PTPRD: variants seen among roughly 807,000 people sequenced by gnomAD.
PTPRD encodes protein tyrosine phosphatase receptor type D, also known as receptor-type tyrosine-protein phosphatase delta.
In PTPRD, 34 loss-of-function variants were observed where a neutral mutation model predicts 214.5. The ratio of observed to expected loss-of-function variants is 0.16; its 90% confidence interval spans 0.12 to 0.21. The LOEUF is 0.21. PTPRD is among the 10% of genes least tolerant of loss of function. The pLI, the probability that PTPRD is intolerant of heterozygous loss-of-function variation, is 1.00. For synonymous variants in PTPRD, 1,128 were observed against 845.7 expected (o/e 1.33, Z -5.79); for missense variants, 2,545 against 2,398.7 (o/e 1.06, Z -1.27).
intron 3 of PTPRD, among the ~76,000 whole-genome samples, chr9:10,123,476 T>A (rs2098792482): frequency 6.6e-6 from 1 of 152,188 alleles, no homozygotes; most frequent in Admixed American, 6.5e-5. Context: ...AGTGAAGAAA[T>A]GTCTTGGAAG....
chr9:8,868,019 A>C (rs939915449), intron 11 of PTPRD, among the ~76,000 whole-genome samples: 1 of 152,114 alleles, frequency 6.6e-6, no homozygotes, highest in Non-Finnish European at 1.5e-5. Context: ...CAGGGAGCAT[A>C]CTTGTATTTA....
At position 8,735,281 on chromosome 9, in the gene PTPRD, T is replaced by C. The variant is rs550980218; in HGVS notation, c.-103-1335A>G. 1.3e-4 allele frequency among the ~76,000 whole-genome samples: 20 copies of C among 151,806 alleles called. No homozygotes were observed. In the East Asian group the frequency reaches 3.5e-3, roughly 27 times the overall value. On this transcript the variant is annotated intron_variant, in intron 11 of 45. Transcript: ENST00000381196. ...GTCTCAGCCACCCAAGTAGCTGAGA[T>C]TACAGGTGCCCACCACCATGCCTGG...
chr9:8,521,420 G>A lies in PTPRD; in HGVS notation c.818C>T (p.Ala273Val), dbSNP rs746204840. The A allele has an allele frequency of 6.2e-7, 1 of 1,613,822 alleles. No individual in the cohort carries two copies. Among genetic ancestry groups the A allele is most frequent in the East Asian group, 2.2e-5 (1 of 44,862 alleles). ...ATCATCTTCAGGTGTCAGATCTTCT[G>A]CCCCCAACATCCACTTTACATAAGG... is the stretch of plus-strand genomic sequence containing the variant. ...PMPYVKWMLG[A>V]EDLTPEDDMP... Residue 273 changes from alanine (A) to valine (V), a missense_variant, in exon 20 of 46, where the codon GCA (alanine) becomes GTA (valine). Physicochemically the swap from Ala to Val is moderately conservative, Grantham distance 64. Transcript: ENST00000381196.
In PTPRD at chr9:10,305,917, A is replaced by G. The variant is rs534492340; in HGVS notation, c.-545+35046T>C. On this transcript the variant is annotated intron_variant, in intron 3 of 45. Coordinates refer to ENST00000381196, the MANE Select transcript of PTPRD (RefSeq NM_002839.4). ...TACCATTTGACCCAGCAATCCCACT[A>G]CTGGGTATATACCCAAAGGATTATA... 1.3e-3 allele frequency among the ~76,000 whole-genome samples: 199 copies of G among 152,244 alleles called. 4 individuals carry two copies. Among genetic ancestry groups the G allele is most frequent in the South Asian group, 0.011 (55 of 4,822 alleles).
At chr9:9,394,271 G>C (rs922065097) in intron 9 of PTPRD, among the ~76,000 whole-genome samples, 1 of 152,060 alleles carries the variant, frequency 6.6e-6, no homozygotes, top group East Asian at 1.9e-4. Context: ...AAAAATTCTG[G>C]TTGTTCTAAA....
chr9:9,890,558 T>C (rs1443673275), intron 5 of PTPRD, among the ~76,000 whole-genome samples: 1 of 152,066 alleles, frequency 6.6e-6, no homozygotes, highest in East Asian at 1.9e-4. Context: ...GCCTTTTGAT[T>C]GGCTCCTCAT....
At chr9:10,038,872 C>T (rs1353206933) in intron 3 of PTPRD, among the ~76,000 whole-genome samples, 1 of 152,020 alleles carries the variant, frequency 6.6e-6, no homozygotes, top group Non-Finnish European at 1.5e-5. Context: ...TTTATATCCT[C>T]ATTTCTCTCC....
At chr9:9,795,658 A>G (rs1294167501) in intron 5 of PTPRD, among the ~76,000 whole-genome samples, 1 of 152,216 alleles carries the variant, frequency 6.6e-6, no homozygotes, top group Non-Finnish European at 1.5e-5. Flanking sequence ...ATAAAATAAA[A>G]TAGATTTGAT....
At chr9:9,790,536 C>T (rs1319949742) in intron 5 of PTPRD, among the ~76,000 whole-genome samples, 1 of 152,136 alleles carries the variant, frequency 6.6e-6, no homozygotes, top group African/African-American at 2.4e-5. Context: ...TATTCTGTTG[C>T]TAATTAAACA....
chr9:9,128,006 A>G (rs1344017070), intron 10 of PTPRD, among the ~76,000 whole-genome samples: 3 of 152,104 alleles, frequency 2.0e-5, no homozygotes. Flanking sequence ...TTGGCTGCCA[A>G]TTTTATTTAG....
chr9:10,364,454 C>T (rs542052008), intron 2 of PTPRD, among the ~76,000 whole-genome samples: 39 of 152,188 alleles, frequency 2.6e-4, no homozygotes, highest in African/African-American at 6.7e-4. Context: ...AATCTATGCA[C>T]GTAACAAAAT....
At chr9:8,540,814 C>T (rs1003462887) in intron 14 of PTPRD, among the ~76,000 whole-genome samples, 4 of 152,028 alleles carry the variant, frequency 2.6e-5, no homozygotes. Context: ...GCAAGAGGAA[C>T]AAAATAAAGT....
intron 11 of PTPRD, among the ~76,000 whole-genome samples, chr9:8,777,088 T>G (rs904643395): frequency 5.3e-5 from 8 of 151,686 alleles, no homozygotes; most frequent in African/African-American, 1.9e-4. Flanking sequence ...TCAAGAGATC[T>G]TCCACCTCAG....
chr9:9,511,152 T>C (rs553722255), intron 8 of PTPRD, among the ~76,000 whole-genome samples: 15 of 151,942 alleles, frequency 9.9e-5, no homozygotes, highest in Middle Eastern at 3.4e-3. Flanking sequence ...GGTTGGACTT[T>C]GTTGTATTCA....
chr9:10,312,365 C>G (rs2096289476), intron 3 of PTPRD, among the ~76,000 whole-genome samples: 1 of 151,868 alleles, frequency 6.6e-6, no homozygotes, highest in Admixed American at 6.6e-5. Flanking sequence ...AGCACATACA[C>G]AATTAAATAG....
At chr9:8,610,049 C>T (rs958364425) in intron 14 of PTPRD, among the ~76,000 whole-genome samples, 5 of 152,104 alleles carry the variant, frequency 3.3e-5, no homozygotes, top group Non-Finnish European at 7.4e-5. Context: ...GGACTGATAT[C>T]GAGATTAAAT....
chr9:9,601,427 T>C (rs993057935), intron 7 of PTPRD, among the ~76,000 whole-genome samples: 24 of 152,180 alleles, frequency 1.6e-4, no homozygotes, highest in African/African-American at 4.1e-4. Flanking sequence ...AAGGAATTGA[T>C]GGTTATTGTT....
chr9:8,325,889 G>C (rs1028839254), intron 44 of PTPRD, among the ~76,000 whole-genome samples: 2 of 151,982 alleles, frequency 1.3e-5, no homozygotes, highest in African/African-American at 2.4e-5. Flanking sequence ...TTGGTGTATA[G>C]GAATGCTTGT....
chr9:8,528,347 C>A, intron 15 of PTPRD: 1 of 537,514 alleles, frequency 1.9e-6, no homozygotes, highest in South Asian at 2.9e-5. Flanking sequence ...AAAATACAGT[C>A]ACAGCAGTGA....
Sources: allele counts gnomAD v4.1 joint callset (sites outside exome capture counted in the v4.1 genomes callset), GRCh38; gene constraint gnomAD v4.1.1; transcripts MANE v1.5; gene names NCBI Gene and HGNC (gene_info 2026-07-23, HGNC 2026-07-21).